POLK: variants seen among roughly 807,000 people sequenced by gnomAD.
POLK encodes DNA polymerase kappa, also known as polymerase (DNA directed) kappa.
POLK carries 76 observed loss-of-function variants against 94.0 expected under a neutral mutation model. The observed-to-expected ratio is 0.81, with a 90% CI of 0.67 to 0.98. POLK has a LOEUF of 0.98. POLK is among the 50% of genes least tolerant of loss of function. The pLI is 0.00. For synonymous variants in POLK, 349 were observed against 325.4 expected (o/e 1.07, Z -0.78); for missense variants, 954 against 1,010.1 (o/e 0.94, Z 0.75).
At chr5:75,511,078 G>A (rs375786772), upstream of POLK, 9 of 1,511,976 alleles carry the variant, frequency 6.0e-6, no homozygotes, top group African/African-American at 1.4e-5. Flanking sequence ...AGGTGAGTCT[G>A]GCCAGGGGTC....
At chr5:75,515,545 A>G (rs1768283032) in intron 1 of POLK, among the ~76,000 whole-genome samples, 1 of 152,190 alleles carries the variant, frequency 6.6e-6, no homozygotes, top group South Asian at 2.1e-4. Context: ...TATTTTAGCT[A>G]TTGTGAATAG....
upstream of POLK, chr5:75,511,282 G>A (rs143317974): frequency 1.1e-4 from 170 of 1,578,656 alleles, 1 homozygote; most frequent in African/African-American, 2.0e-3. Context: ...AGTCCTCGGG[G>A]TGAAGGGTCG....
chr5:75,606,677 C>T, the POLK span, among the ~76,000 whole-genome samples: 1 of 151,342 alleles, frequency 6.6e-6, no homozygotes, highest in Non-Finnish European at 1.5e-5. Context: ...GGGGTAAGGT[C>T]ACAGAATCTC....
chr5:75,515,768 C>A (rs1768292997), intron 1 of POLK, among the ~76,000 whole-genome samples: 2 of 152,104 alleles, frequency 1.3e-5, no homozygotes, highest in South Asian at 4.1e-4. Flanking sequence ...TGCCACCATC[C>A]ATTATTCTCT....
intron 1 of POLK, among the ~76,000 whole-genome samples, chr5:75,526,570 T>C (rs151009516): frequency 6.7e-6 from 1 of 148,838 alleles, no homozygotes; most frequent in Non-Finnish European, 1.5e-5. Flanking sequence ...TGGGTTTTTT[T>C]TTTGTTTTTT....
At chr5:75,591,715 G>C (rs1021769032) in intron 11 of POLK, among the ~76,000 whole-genome samples, 1 of 152,138 alleles carries the variant, frequency 6.6e-6, no homozygotes, top group African/African-American at 2.4e-5. Context: ...TAGTTTCTTA[G>C]TTTTTCCTTC....
At chr5:75,592,521 C>G (rs1485544294) in intron 11 of POLK, among the ~76,000 whole-genome samples, 2 of 152,014 alleles carry the variant, frequency 1.3e-5, no homozygotes, top group Admixed American at 6.6e-5. Flanking sequence ...TGAGACCAGC[C>G]TGGCCAACAT....
At chr5:75,581,676 TTC>T in intron 7 of POLK, 1 of 452,866 alleles carries the variant, frequency 2.2e-6, no homozygotes, top group South Asian at 2.8e-5. Flanking sequence ...ATACGTTTCT[TTC>T]TTTTTTTTTT....
At chr5:75,516,001 T>A (rs1156735087) in intron 1 of POLK, among the ~76,000 whole-genome samples, 3 of 152,236 alleles carry the variant, frequency 2.0e-5, no homozygotes, top group South Asian at 2.1e-4. Context: ...AACATTTTTT[T>A]AATTTACCTG....
chr5:75,511,443 G>T (rs976688356), upstream of POLK: 93 of 1,527,684 alleles, frequency 6.1e-5, no homozygotes, highest in Non-Finnish European at 6.9e-5. Flanking sequence ...CCAGCCGTCA[G>T]CCGCCGCCGC....
At chr5:75,549,518 A>G (rs1387482659) in intron 2 of POLK, among the ~76,000 whole-genome samples, 1 of 151,888 alleles carries the variant, frequency 6.6e-6, no homozygotes. Flanking sequence ...ATTTTATGTG[A>G]TATATATCAA....
chr5:75,558,011 ACTCCTGAG>A (rs1347558781), intron 3 of POLK, among the ~76,000 whole-genome samples: 1 of 151,852 alleles, frequency 6.6e-6, no homozygotes, highest in Non-Finnish European at 1.5e-5. Flanking sequence ...CTGGTCTTGA[ACTCCTGAG>A]CTCAAGTGAT....
At chr5:75,520,768 A>G (rs1049391058) in intron 1 of POLK, among the ~76,000 whole-genome samples, 3 of 152,088 alleles carry the variant, frequency 2.0e-5, no homozygotes, top group African/African-American at 4.8e-5. Flanking sequence ...GAGATTGAAG[A>G]ACTCCCTTTA....
At chr5:75,605,035 T>TA (rs1773385420), downstream of POLK, among the ~76,000 whole-genome samples, 1 of 151,942 alleles carries the variant, frequency 6.6e-6, no homozygotes, top group Non-Finnish European at 1.5e-5. Flanking sequence ...AGATTAAAGA[T>TA]AATTCAGAGG....
chr5:75,601,206 G>A (rs1294864174), downstream of POLK: 2 of 151,982 alleles, frequency 1.3e-5, no homozygotes, highest in Non-Finnish European at 2.9e-5. Flanking sequence ...TTTCAATCGA[G>A]AAAAAAATAC....
intron 6 of POLK, among the ~76,000 whole-genome samples, chr5:75,580,080 A>G (rs1227639153): frequency 6.6e-6 from 1 of 151,936 alleles, no homozygotes; most frequent in African/African-American, 2.4e-5. Context: ...GACTTACTTC[A>G]CACTACATAT....
intron 4 of POLK, among the ~76,000 whole-genome samples, chr5:75,573,340 A>C (rs903409080): frequency 1.2e-4 from 18 of 152,136 alleles, no homozygotes; most frequent in African/African-American, 3.9e-4. Context: ...AGGAAGGGGA[A>C]TATCACACTC....
At chr5:75,535,997 G>A (rs868492146) in intron 1 of POLK, among the ~76,000 whole-genome samples, 3 of 152,164 alleles carry the variant, frequency 2.0e-5, no homozygotes, top group African/African-American at 4.8e-5. Flanking sequence ...TAGTGTGGTC[G>A]TTTGGAGGTA....
At chr5:75,595,176 C>T (rs753213609) in intron 12 of POLK, among the ~76,000 whole-genome samples, 3 of 139,154 alleles carry the variant, frequency 2.2e-5, no homozygotes, top group Non-Finnish European at 3.0e-5. Context: ...CGCTTGAACC[C>T]GGGAAGTTGC....
Sources: gnomAD v4.1 joint callset for allele counts (sites outside exome capture counted in the v4.1 genomes callset) on GRCh38, gnomAD v4.1.1 for gene constraint, MANE v1.5 for transcripts, NCBI Gene and HGNC (gene_info 2026-07-23, HGNC 2026-07-21) for gene names.